Variants in CCSER1 observed in about 807,000 individuals in gnomAD.
The protein encoded by CCSER1 is coiled-coil serine rich protein 1, also known as serine-rich coiled-coil domain-containing protein 1.
A neutral mutation model predicts 82.0 loss-of-function variants in CCSER1; 41 were observed. That is an observed-to-expected ratio of 0.50 (90% CI 0.39 to 0.65). The LOEUF is 0.65. Among genes scored for constraint, CCSER1 ranks in the 30% least tolerant of loss-of-function variants. The pLI, the probability that CCSER1 is intolerant of heterozygous loss-of-function variation, is 0.00. For missense variants in CCSER1, 1,119 were observed against 1,064.2 expected (o/e 1.05, Z -0.72); for synonymous variants, 414 against 383.9 (o/e 1.08, Z -0.92).
chr4:91,124,934 G>C (rs1727376805), intron 10 of CCSER1, among the ~76,000 whole-genome samples: 1 of 151,348 alleles, frequency 6.6e-6, no homozygotes, highest in Admixed American at 6.6e-5. Flanking sequence ...TTAAACAAGA[G>C]AGCAGCTTCT....
chr4:90,471,583 A>C (rs189761361), intron 5 of CCSER1, among the ~76,000 whole-genome samples: 24 of 152,070 alleles, frequency 1.6e-4, no homozygotes, highest in African/African-American at 5.3e-4. Context: ...TGCAACAAAT[A>C]TATTTGTTAA....
intron 10 of CCSER1, among the ~76,000 whole-genome samples, chr4:91,433,572 G>T (rs1289805894): frequency 1.3e-5 from 2 of 152,058 alleles, no homozygotes; most frequent in Admixed American, 1.3e-4. Flanking sequence ...ACATATGTTT[G>T]GATACATAAA....
chr4:91,142,829 T>C (rs973839010), intron 10 of CCSER1, among the ~76,000 whole-genome samples: 1 of 152,118 alleles, frequency 6.6e-6, no homozygotes, highest in Non-Finnish European at 1.5e-5. Context: ...TTCTCTTCCA[T>C]TGGACTTTGT....
chr4:91,018,139 C>T (rs1354393177), intron 9 of CCSER1, among the ~76,000 whole-genome samples: 1 of 151,892 alleles, frequency 6.6e-6, no homozygotes, highest in Non-Finnish European at 1.5e-5. Context: ...TTTTTTGTTT[C>T]AAATTAATAC....
chr4:90,469,700 A>G lies in CCSER1; in HGVS notation c.1724+1346A>G, dbSNP rs551122214. 1.1e-4 allele frequency among the ~76,000 whole-genome samples: 17 copies of G among 152,262 alleles called. No individual in the cohort carries two copies. The South Asian group carries it at 2.5e-3, about 22-fold the overall frequency. Reference sequence around the variant, plus strand: ...TGTTGACCATTCTATAGCTTCAGCTATCAACATTATGGGTGACTTATGGTT... The same window carrying G: ...TGTTGACCATTCTATAGCTTCAGCTGTCAACATTATGGGTGACTTATGGTT... On this transcript the variant is annotated intron_variant, in intron 5 of 10. Coordinates refer to ENST00000509176, the MANE Select transcript of CCSER1 (RefSeq NM_001145065.2).
chr4:90,315,030 A>G (rs964821809), intron 3 of CCSER1, among the ~76,000 whole-genome samples: 2 of 151,694 alleles, frequency 1.3e-5, no homozygotes, highest in Non-Finnish European at 2.9e-5. Flanking sequence ...TATTTTTAGC[A>G]GAGAGGGGGT....
At chr4:90,777,534 T>C (rs908318857) in intron 7 of CCSER1, among the ~76,000 whole-genome samples, 1 of 152,130 alleles carries the variant, frequency 6.6e-6, no homozygotes, top group Non-Finnish European at 1.5e-5. Context: ...CATGTCAGAA[T>C]GTACAGGTTC....
At chr4:91,448,464 A>T (rs1184819603) in intron 10 of CCSER1, among the ~76,000 whole-genome samples, 3 of 152,080 alleles carry the variant, frequency 2.0e-5, no homozygotes, top group Non-Finnish European at 4.4e-5. Flanking sequence ...ACATATTTGG[A>T]TAGATAATGT....
intron 1 of CCSER1, among the ~76,000 whole-genome samples, chr4:90,196,626 G>A (rs1271812643): frequency 1.4e-5 from 2 of 144,016 alleles, no homozygotes; most frequent in Non-Finnish European, 3.0e-5. Context: ...CTGATTTCAA[G>A]AGCATTTCCT....
intron 10 of CCSER1, among the ~76,000 whole-genome samples, chr4:91,237,913 G>A (rs1739142712): frequency 6.6e-6 from 1 of 152,140 alleles, no homozygotes. Context: ...TATTCCAAAA[G>A]GAACCAACTA....
At chr4:91,538,698 C>CATATATTATGTATATATATATATATAT in intron 10 of CCSER1, among the ~76,000 whole-genome samples, 5,204 of 138,198 alleles carry the variant, frequency 0.038, 264 homozygotes, top group African/African-American at 0.12. Context: ...TATATATACA[C>CATATATTATGTATATATATATATATAT]ATATATATAT....
chr4:90,233,650 A>T (rs1207838109), intron 1 of CCSER1, among the ~76,000 whole-genome samples: 1 of 151,284 alleles, frequency 6.6e-6, no homozygotes, highest in Non-Finnish European at 1.5e-5. Context: ...AAAAAAACAA[A>T]ACAAACTGGC....
chr4:90,181,461 C>T (rs529723321), intron 1 of CCSER1, among the ~76,000 whole-genome samples: 86 of 152,238 alleles, frequency 5.6e-4, no homozygotes, highest in Non-Finnish European at 9.1e-4. Flanking sequence ...TCTCATCTCC[C>T]TTTTTGCTTT....
At chr4:90,786,434 A>G (rs1455159302) in intron 7 of CCSER1, among the ~76,000 whole-genome samples, 1 of 152,162 alleles carries the variant, frequency 6.6e-6, no homozygotes, top group Non-Finnish European at 1.5e-5. Flanking sequence ...TAAATATTTT[A>G]TTTCCCAGAT....
intron 10 of CCSER1, among the ~76,000 whole-genome samples, chr4:91,284,844 A>G (rs1214107365): frequency 1.3e-5 from 2 of 152,090 alleles, no homozygotes; most frequent in Non-Finnish European, 2.9e-5. Context: ...AGAAAAAAAC[A>G]TATGAGTTGA....
intron 1 of CCSER1, among the ~76,000 whole-genome samples, chr4:90,171,032 G>C (rs964728072): frequency 1.3e-5 from 2 of 151,742 alleles, no homozygotes; most frequent in African/African-American, 4.8e-5. Context: ...ATAAATGCTT[G>C]AGGTGATGGA....
At chr4:91,070,325 G>T (rs952818844) in intron 9 of CCSER1, among the ~76,000 whole-genome samples, 1 of 151,932 alleles carries the variant, frequency 6.6e-6, no homozygotes, top group African/African-American at 2.4e-5. Flanking sequence ...CATTACTCTT[G>T]GTATTGTGCT....
intron 9 of CCSER1, among the ~76,000 whole-genome samples, chr4:90,999,274 A>G (rs1348803034): frequency 6.6e-6 from 1 of 152,164 alleles, no homozygotes; most frequent in Non-Finnish European, 1.5e-5. Context: ...GTTGAATGGT[A>G]GTTCTATTTT....
chr4:91,310,892 A>G (rs1745424968), intron 10 of CCSER1, among the ~76,000 whole-genome samples: 1 of 151,654 alleles, frequency 6.6e-6, no homozygotes, highest in Non-Finnish European at 1.5e-5. Context: ...GTGTTAGTGT[A>G]TTTTATGTGT....
Sources: gnomAD v4.1 joint callset for allele counts (sites outside exome capture counted in the v4.1 genomes callset) on GRCh38, gnomAD v4.1.1 for gene constraint, MANE v1.5 for transcripts, NCBI Gene and HGNC (gene_info 2026-07-23, HGNC 2026-07-21) for gene names.